TBPL1: variants seen among roughly 807,000 people sequenced by gnomAD.
The protein encoded by TBPL1 is TATA box-binding protein-like 1.
TBPL1 carries 4 observed loss-of-function variants against 22.1 expected under a neutral mutation model. That is an observed-to-expected ratio of 0.18 (90% CI 0.09 to 0.41). The LOEUF is 0.41. Among genes scored for constraint, TBPL1 ranks in the 10% least tolerant of loss-of-function variants. The pLI, the probability that TBPL1 is intolerant of heterozygous loss-of-function variation, is 1.00. For missense variants in TBPL1, 115 were observed against 222.3 expected (o/e 0.52, Z 3.07); for synonymous variants, 64 against 71.0 (o/e 0.90, Z 0.50).
chr6:133,952,542 C>T (rs561452186), upstream of TBPL1: 2 of 152,514 alleles, frequency 1.3e-5, no homozygotes, highest in East Asian at 3.9e-4. This position sits in a 1 kb window ranked among gnomAD's most constrained non-coding sequence, Gnocchi z 4.5. Flanking sequence ...CCTTGTGTCT[C>T]CATCTCTCCC....
chr6:133,971,876 G>C (rs904621946), intron 1 of TBPL1, among the ~76,000 whole-genome samples: 13 of 152,054 alleles, frequency 8.5e-5, no homozygotes, highest in Non-Finnish European at 1.6e-4. Context: ...CCTGTTCTGT[G>C]GGTTGGCTTT....
chr6:133,977,084 G>A (rs888251666), intron 1 of TBPL1, among the ~76,000 whole-genome samples: 3 of 152,016 alleles, frequency 2.0e-5, no homozygotes, highest in African/African-American at 4.8e-5. Flanking sequence ...GTAAATCTTT[G>A]TTAATATCCA....
At chr6:133,986,903 T>G (rs1776535877) in intron 6 of TBPL1, 58 bp from the exon 7 acceptor site, 1 of 1,231,322 alleles carries the variant, frequency 8.1e-7, no homozygotes, top group Non-Finnish European at 1.1e-6. Context: ...AAATCAGTTT[T>G]TCCTAGTGCT....
chr6:133,967,680 T>C (rs1776143654), intron 1 of TBPL1, among the ~76,000 whole-genome samples: 1 of 152,190 alleles, frequency 6.6e-6, no homozygotes, highest in Non-Finnish European at 1.5e-5. Flanking sequence ...TTTGGGTATC[T>C]AAACATAGGA....
intron 1 of TBPL1, among the ~76,000 whole-genome samples, chr6:133,977,276 A>T (rs1312646395): frequency 6.6e-6 from 1 of 152,122 alleles, no homozygotes. Flanking sequence ...TTTTCAGGTT[A>T]CTCATATTAT....
chr6:133,963,874 C>CAA (rs1232594843), intron 1 of TBPL1, among the ~76,000 whole-genome samples: 60 of 94,426 alleles, frequency 6.4e-4, no homozygotes, highest in African/African-American at 1.9e-3. Flanking sequence ...ACTAAAAATA[C>CAA]AAAAAAAAAA....
chr6:133,961,465 CTTTTTTTTTTTT>C (rs61695774), intron 1 of TBPL1, among the ~76,000 whole-genome samples: 3 of 100,200 alleles, frequency 3.0e-5, no homozygotes, highest in African/African-American at 1.2e-4. Flanking sequence ...TTCTTTCTTT[CTTTTTTTTTTTT>C]TTTTTTTTTG....
intron 1 of TBPL1, 48 bp from the exon 2 acceptor site, chr6:133,980,034 A>G (rs1776381207): frequency 7.8e-7 from 1 of 1,277,622 alleles, no homozygotes; most frequent in African/African-American, 1.5e-5. Context: ...GTGAAAAGTG[A>G]ATTAACAACA....
intron 1 of TBPL1, among the ~76,000 whole-genome samples, chr6:133,973,739 G>T (rs1010091724): frequency 1.3e-4 from 20 of 152,276 alleles, no homozygotes; most frequent in South Asian, 6.2e-4. Flanking sequence ...TTAATAGAAA[G>T]CTAGAAATAT....
intron 1 of TBPL1, among the ~76,000 whole-genome samples, chr6:133,963,572 C>T (rs1776059857): frequency 6.6e-6 from 1 of 152,150 alleles, no homozygotes; most frequent in Admixed American, 6.5e-5. Flanking sequence ...AGGCACACAC[C>T]ACCACATCTG....
intron 2 of TBPL1, among the ~76,000 whole-genome samples, 184 bp downstream of exon 2, chr6:133,980,444 A>G (rs957586495): frequency 1.1e-4 from 17 of 152,218 alleles, no homozygotes; most frequent in Non-Finnish European, 1.6e-4. Flanking sequence ...GCTTTTGTAC[A>G]TAGAGTGCTG....
chr6:133,966,659 C>G (rs558937084), intron 1 of TBPL1, among the ~76,000 whole-genome samples: 2 of 152,316 alleles, frequency 1.3e-5, no homozygotes, highest in Admixed American at 6.5e-5. Flanking sequence ...CAAACCTGCC[C>G]TTTCTCCAGT....
At chr6:133,974,560 C>G (rs1002342789) in intron 1 of TBPL1, among the ~76,000 whole-genome samples, 3 of 152,224 alleles carry the variant, frequency 2.0e-5, no homozygotes, top group African/African-American at 7.2e-5. Context: ...AACTCCTGAC[C>G]TCGTGATCCA....
intron 1 of TBPL1, chr6:133,968,990 T>C (rs992327723): frequency 2.0e-5 from 3 of 152,220 alleles, no homozygotes; most frequent in Non-Finnish European, 2.9e-5. Context: ...TTTATAGATA[T>C]ATTTTAGTAT....
rs974176044 is a variant in TBPL1 at position 133,973,866 on chromosome 6, C to G, written c.-44-6216C>G. On this transcript the variant is annotated intron_variant, in intron 1 of 6. Coordinates refer to ENST00000237264, the MANE Select transcript of TBPL1 (RefSeq NM_004865.4). ...GACAAAACACCTGATCAAGCTATGT[C>G]TTAATATTAGGCCTTGGGCAGTGGG... Among the ~76,000 whole-genome samples the G allele has an allele frequency of 4.6e-5, 7 of 152,008 alleles. No homozygotes were observed. In the South Asian group the frequency reaches 1.5e-3, roughly 32 times the overall value.
At chr6:133,961,486 TGA>T (rs1776023209) in intron 1 of TBPL1, among the ~76,000 whole-genome samples, 1 of 120,782 alleles carries the variant, frequency 8.3e-6, no homozygotes, top group Non-Finnish European at 1.8e-5. Context: ...TTTTTTTTTT[TGA>T]GACGGAGTCG....
Position 133,984,370 on chromosome 6 carries a change from C to G in TBPL1, c.283-6C>G. On this transcript the variant is annotated splice_region_variant and splice_polypyrimidine_tract_variant and intron_variant, in intron 4 of 6. Transcript: ENST00000237264. Reference sequence around the variant, plus strand: ...AAATTTATTGAATTTTACTTCTCTCCTAAAGGTAATATTTACAGATTTTAA... The same window carrying G: ...AAATTTATTGAATTTTACTTCTCTCGTAAAGGTAATATTTACAGATTTTAA... The G allele has an allele frequency of 6.3e-7, 1 of 1,597,482 alleles. No homozygotes were observed. Among genetic ancestry groups the G allele is most frequent in the Non-Finnish European group, 8.5e-7 (1 of 1,170,484 alleles).
intron 1 of TBPL1, among the ~76,000 whole-genome samples, chr6:133,959,626 C>G (rs1775987270): frequency 6.6e-6 from 1 of 152,090 alleles, no homozygotes; most frequent in African/African-American, 2.4e-5. Flanking sequence ...GGATTACAGG[C>G]ACCCACCACC....
intron 1 of TBPL1, among the ~76,000 whole-genome samples, chr6:133,971,081 G>T (rs916032749): frequency 6.6e-6 from 1 of 151,292 alleles, no homozygotes; most frequent in Non-Finnish European, 1.5e-5. Context: ...ACCAACCTCC[G>T]TTCATTCTCA....
Sources: allele counts gnomAD v4.1 joint callset (sites outside exome capture counted in the v4.1 genomes callset), GRCh38; gene constraint gnomAD v4.1.1; non-coding constraint Gnocchi (gnomAD v3.1); transcripts MANE v1.5; gene names NCBI Gene and HGNC (gene_info 2026-07-23, HGNC 2026-07-21).